The following ARHGEF18 variants were observed in gnomAD, a reference collection of about 807,000 sequenced individuals.
The protein encoded by ARHGEF18 is Rho/Rac guanine nucleotide exchange factor 18.
ARHGEF18 carries 93 observed loss-of-function variants against 155.7 expected under a neutral mutation model. The observed-to-expected ratio is 0.60, with a 90% CI of 0.50 to 0.71. ARHGEF18 has a LOEUF of 0.71. ARHGEF18 is among the 30% of genes least tolerant of loss of function. The probability of loss-of-function intolerance (pLI) is 0.00; values close to 1 mark genes in which losing one functional copy is unlikely to be tolerated. For synonymous variants in ARHGEF18, 742 were observed against 753.1 expected, an observed-to-expected ratio of 0.99 and a Z score of 0.24; for missense variants, 1,593 against 1,816.1, an observed-to-expected ratio of 0.88 and a Z score of 2.23.
chr19:7,462,358 A>G lies in ARHGEF18; in HGVS notation c.2635+24A>G, dbSNP rs548584346. On this transcript the variant is annotated intron_variant, in intron 21 of 28. Transcript: ENST00000668164. This position sits in a 1 kb window ranked among gnomAD's most constrained non-coding sequence, Gnocchi z 4.4. ...GAGTAAGTTGGCTGCCCACACCTCA[A>G]GGGTGCAGTCTTGCCGGGGTGGGCT... The G allele has an allele frequency of 6.0e-4, 933 of 1,562,570 alleles. No individual in the cohort carries two copies. Among genetic ancestry groups the G allele is most frequent in the Non-Finnish European group, 7.6e-4 (878 of 1,156,364 alleles).
chr19:7,408,214 G>A (rs1304325284), intron 10 of ARHGEF18, among the ~76,000 whole-genome samples: 1 of 151,936 alleles, frequency 6.6e-6, no homozygotes, highest in East Asian at 1.9e-4. Flanking sequence ...GGAGGTTGAA[G>A]TTGCAGTGAG....
chr19:7,365,464 C>T (rs1969844192), intron 2 of ARHGEF18, among the ~76,000 whole-genome samples: 1 of 152,130 alleles, frequency 6.6e-6, no homozygotes, highest in African/African-American at 2.4e-5. Flanking sequence ...GTCCAGATGT[C>T]ATGGAAGGTC....
chr19:7,444,784 C>CAGGGA lies in ARHGEF18; in HGVS notation c.1611+332_1611+336dup, dbSNP rs1188081377. Among the ~76,000 whole-genome samples the CAGGGA allele has an allele frequency of 1.3e-5, 2 of 152,198 alleles. No individual in the cohort carries two copies. Among genetic ancestry groups the CAGGGA allele is most frequent in the Admixed American group, 6.5e-5 (1 of 15,278 alleles). On this transcript the variant is annotated intron_variant, in intron 14 of 28. Transcript: ENST00000668164. The surrounding 1 kb of genome is among the most constrained non-coding windows in gnomAD (Gnocchi z 4.7). ...TCAGCCTTCCACGTAGCTGGGACTC[C>CAGGGA]AGGGAACACCATGCCTGGCTAACTT...
intron 10 of ARHGEF18, among the ~76,000 whole-genome samples, chr19:7,439,060 A>AT (rs1003134763): frequency 4.0e-5 from 6 of 150,972 alleles, no homozygotes; most frequent in Non-Finnish European, 7.4e-5. Context: ...TGTATTTTTT[A>AT]TTTTTTTTAA....
intron 10 of ARHGEF18, among the ~76,000 whole-genome samples, chr19:7,431,026 C>A (rs1055720599): frequency 1.3e-5 from 2 of 151,526 alleles, no homozygotes; most frequent in Non-Finnish European, 2.9e-5. Context: ...TGATAGCACA[C>A]ACCTATGGTC....
Position 7,463,472 on chromosome 19 carries a change from G to A in ARHGEF18, c.2636-346G>A, listed in dbSNP as rs1010359331. Among the ~76,000 whole-genome samples, 6 of 152,182 alleles carry A rather than the reference G, an allele frequency of 3.9e-5. No individual in the cohort carries two copies. The highest frequency in any genetic ancestry group is 8.8e-5 in the Non-Finnish European group (6 of 68,026). On this transcript the variant is annotated intron_variant, in intron 21 of 28. Coordinates refer to ENST00000668164, the MANE Select transcript of ARHGEF18 (RefSeq NM_001367823.1). The surrounding 1 kb of genome is among the most constrained non-coding windows in gnomAD (Gnocchi z 5.2). ...GTCATTGTCATATAACACACCAAGT[G>A]TTTCCTGCTGGCCCTGGGCAGGGCC...
At position 7,427,847 on chromosome 19, in the gene ARHGEF18, G is replaced by A. The variant is rs531129022; in HGVS notation, c.968-12497G>A. On this transcript the variant is annotated intron_variant, in intron 10 of 28. Coordinates refer to ENST00000668164, the MANE Select transcript of ARHGEF18 (RefSeq NM_001367823.1). ...TGTAATCCCAGCTACTTGGGAGGCC[G>A]AAGCACAAGAATTGGTCGAATCTGG... 3.9e-5 allele frequency among the ~76,000 whole-genome samples: 6 copies of A among 152,070 alleles called. No individual in the cohort carries two copies. The East Asian group carries it at 7.8e-4, about 20-fold the overall frequency.
chr19:7,479,356 C>T, the ARHGEF18 span, among the ~76,000 whole-genome samples: 7 of 152,226 alleles, frequency 4.6e-5, no homozygotes, highest in South Asian at 1.0e-3. Context: ...TGGTGGTGGG[C>T]GCCTGTAATC....
intron 10 of ARHGEF18, among the ~76,000 whole-genome samples, chr19:7,415,917 T>G (rs1289607910): frequency 6.6e-6 from 1 of 152,158 alleles, no homozygotes; most frequent in Non-Finnish European, 1.5e-5. Flanking sequence ...GCAACATGAA[T>G]CCATTCATAT....
chr19:7,356,310 G>A lies in ARHGEF18; in HGVS notation c.-110-6471G>A, dbSNP rs182613902. 2.8e-3 allele frequency among the ~76,000 whole-genome samples: 422 copies of A among 148,938 alleles called. 10 individuals are homozygous for A. The highest frequency in any genetic ancestry group is 0.025 in the Admixed American group (373 of 14,788). On this transcript the variant is annotated intron_variant, in intron 1 of 28. Coordinates refer to ENST00000668164, the MANE Select transcript of ARHGEF18 (RefSeq NM_001367823.1). ...TTCTGAGACCGAGTCTCATTCGGTCGCCGAGGCTGGAGTGCAGTGGCGCGA... is the reference window on the plus strand; with the variant it reads ...TTCTGAGACCGAGTCTCATTCGGTCACCGAGGCTGGAGTGCAGTGGCGCGA...
At chr19:7,382,604 T>C (rs1970801242) in intron 8 of ARHGEF18, among the ~76,000 whole-genome samples, 188 bp from the exon 9 acceptor site, 1 of 151,922 alleles carries the variant, frequency 6.6e-6, no homozygotes, top group Non-Finnish European at 1.5e-5. Context: ...TTCATTCATG[T>C]CTGCTGAGTG....
At chr19:7,366,171 C>T (rs1969878022) in intron 2 of ARHGEF18, among the ~76,000 whole-genome samples, 2 of 152,300 alleles carry the variant, frequency 1.3e-5, no homozygotes, top group South Asian at 2.1e-4. Flanking sequence ...TTCTCAAACT[C>T]CTGGACTCAT....
the ARHGEF18 span, among the ~76,000 whole-genome samples, chr19:7,478,564 A>C: frequency 6.6e-6 from 1 of 151,950 alleles, no homozygotes; most frequent in African/African-American, 2.4e-5. Context: ...CATCTCTAAC[A>C]CGGCCCCGTC....
chr19:7,439,126 A>G (rs1021788588), intron 10 of ARHGEF18, among the ~76,000 whole-genome samples: 7 of 151,434 alleles, frequency 4.6e-5, no homozygotes, highest in African/African-American at 1.7e-4. Flanking sequence ...CTTGTGATCA[A>G]CCCACCTCGG....
At chr19:7,384,970 T>C (rs1970925073) in intron 10 of ARHGEF18, among the ~76,000 whole-genome samples, 2 of 152,112 alleles carry the variant, frequency 1.3e-5, no homozygotes. Context: ...GCTGGAATTA[T>C]AGGTGTGAGC....
chr19:7,443,996 C>T (rs566930330), intron 13 of ARHGEF18, among the ~76,000 whole-genome samples: 6 of 152,150 alleles, frequency 3.9e-5, no homozygotes, highest in Non-Finnish European at 7.3e-5. Context: ...CCAGGGTTCT[C>T]TCCTTCCCCT....
At chr19:7,460,188 C>T (rs530211102) in intron 20 of ARHGEF18, among the ~76,000 whole-genome samples, 194 bp downstream of exon 20, 1 of 152,186 alleles carries the variant, frequency 6.6e-6, no homozygotes, top group East Asian at 1.9e-4. Context: ...GTCACTTAGC[C>T]CTTTGGGGGT....
intron 10 of ARHGEF18, among the ~76,000 whole-genome samples, chr19:7,425,480 A>G (rs975254839): frequency 8.0e-4 from 121 of 151,422 alleles, no homozygotes; most frequent in African/African-American, 2.5e-3. Flanking sequence ...TCAGGAGTTC[A>G]AGACCAGCCT....
intron 26 of ARHGEF18, 62 bp downstream of exon 26, chr19:7,467,746 C>T (rs1013312881): frequency 1.8e-5 from 25 of 1,392,946 alleles, no homozygotes; most frequent in Admixed American, 3.2e-5. Flanking sequence ...TGCATTTGCA[C>T]GAGTGCATGC....
Sources: allele counts gnomAD v4.1 joint callset (sites outside exome capture counted in the v4.1 genomes callset), GRCh38; gene constraint gnomAD v4.1.1; non-coding constraint Gnocchi (gnomAD v3.1); transcripts MANE v1.5; gene names NCBI Gene and HGNC (gene_info 2026-07-23, HGNC 2026-07-21).